Variants in SOD1 observed in about 807,000 individuals in gnomAD.
SOD1 encodes the protein superoxide dismutase [Cu-Zn].
A neutral mutation model predicts 15.9 loss-of-function variants in SOD1; 8 were observed. The observed-to-expected ratio is 0.50, with a 90% confidence interval of 0.30 to 0.91. The LOEUF (loss-of-function observed/expected upper bound fraction) is 0.91. SOD1 is among the 40% of genes least tolerant of loss of function. SOD1 has a pLI of 0.07. For missense variants in SOD1, 137 were observed against 194.5 expected (o/e 0.70, Z 1.76); for synonymous variants, 86 against 71.2 (o/e 1.21, Z -1.04).
In SOD1 at chr21:31,663,785, TAAAGG is replaced by T; in HGVS notation, c.73_77del (p.Glu25Ter). 1.2e-6 allele frequency: 2 copies of T among 1,607,124 alleles called. No individual in the cohort carries two copies. The highest frequency in any genetic ancestry group is 1.7e-6 in the Non-Finnish European group (2 of 1,174,104). The stretch of plus-strand genomic sequence containing the variant: ...ACTCTCTCCAACTTTGCACTTTTCT[TAAAGG>T]AAAGTAATGGACCAGTGAAGGTGTG... On this transcript the variant is annotated splice_acceptor_variant and splice_polypyrimidine_tract_variant and coding_sequence_variant and intron_variant, in exon 2 of 5. Transcript: ENST00000270142. LOFTEE classifies it high-confidence loss of function.
At position 31,659,718 on chromosome 21, in the gene SOD1, G is replaced by C; in HGVS notation, c.-52G>C. On this transcript the variant is annotated 5_prime_UTR_variant, in exon 1 of 5. Coordinates refer to ENST00000270142, the MANE Select transcript of SOD1 (RefSeq NM_000454.5). ...GCGTCGTAGTCTCCTGCAGCGTCTG[G>C]GGTTTCCGTTGCAGTCCTCGGAACC... The C allele has an allele frequency of 1.3e-6, 2 of 1,575,774 alleles. No homozygotes were observed. Among genetic ancestry groups the C allele is most frequent in the Admixed American group, 1.7e-5 (1 of 59,990 alleles).
Position 31,665,320 on chromosome 21 carries a change from T to G in SOD1, c.170-1129T>G, listed in dbSNP as rs181705488. Among the ~76,000 whole-genome samples, 10 of 152,346 alleles carry G rather than the reference T, an allele frequency of 6.6e-5. No homozygotes were observed. The East Asian group carries it at 1.3e-3, about 21-fold the overall frequency. ...GCATTTAGTGATCTTTTGCCATATTTGAGTAATAATCTGATTTTTTTGTTT... is the reference window on the plus strand; with the variant it reads ...GCATTTAGTGATCTTTTGCCATATTGGAGTAATAATCTGATTTTTTTGTTT... On this transcript the variant is annotated intron_variant, in intron 2 of 4. Transcript: ENST00000270142.
intron 3 of SOD1, 44 bp from the exon 4 acceptor site, chr21:31,667,214 T>C: frequency 1.4e-6 from 2 of 1,439,918 alleles, no homozygotes; most frequent in East Asian, 2.3e-5. Flanking sequence ...CCTTGATGTT[T>C]AGTGGCATCA....
At chr21:31,665,542 T>A (rs2049585595) in intron 2 of SOD1, among the ~76,000 whole-genome samples, 1 of 152,152 alleles carries the variant, frequency 6.6e-6, no homozygotes, top group Non-Finnish European at 1.5e-5. Flanking sequence ...TGTGTGGGAC[T>A]CCTGCGGGTG....
intron 1 of SOD1, among the ~76,000 whole-genome samples, chr21:31,662,497 T>G (rs1381518168): frequency 6.6e-6 from 1 of 152,188 alleles, no homozygotes; most frequent in Non-Finnish European, 1.5e-5. Context: ...AGTCCTGAGA[T>G]CTAGTTGTAA....
chr21:31,667,235 A>T, intron 3 of SOD1, 23 bp from the exon 4 acceptor site: 2 of 1,540,978 alleles, frequency 1.3e-6, no homozygotes, highest in Non-Finnish European at 1.8e-6. Context: ...GCCCTAATCC[A>T]TCTGATGCTT....
chr21:31,667,429 ATCTTTTCACTTTGAT>A, intron 4 of SOD1, 54 bp downstream of exon 4: 1 of 1,223,098 alleles, frequency 8.2e-7, no homozygotes, highest in Non-Finnish European at 1.2e-6. Flanking sequence ...ACAGTCATGT[ATCTTTTCACTTTGAT>A]TGTTAGTCGC....
chr21:31,666,214 T>A (rs973330239), intron 2 of SOD1, among the ~76,000 whole-genome samples: 3 of 152,092 alleles, frequency 2.0e-5, no homozygotes, highest in Non-Finnish European at 2.9e-5. Flanking sequence ...CCTCAGATGA[T>A]CCAGCCACCT....
In SOD1 at chr21:31,663,813, G is replaced by A. The variant is rs769715106; in HGVS notation, c.96G>A (p.Val32=). Residue 32 remains valine (V), a synonymous_variant, in exon 2 of 5, where the codon GTG becomes GTA. Transcript: ENST00000270142. ...AGGAAAGTAATGGACCAGTGAAGGTGTGGGGAAGCATTAAAGGACTGACTG... is the reference window on the plus strand; with the variant it reads ...AGGAAAGTAATGGACCAGTGAAGGTATGGGGAAGCATTAAAGGACTGACTG... ...EQKESNGPVK[V]WGSIKGLTEG... 2 of 1,613,136 alleles carry A rather than the reference G, an allele frequency of 1.2e-6. No individual in the cohort carries two copies. Among genetic ancestry groups the A allele is most frequent in the Admixed American group, 3.3e-5 (2 of 59,992 alleles).
intron 4 of SOD1, among the ~76,000 whole-genome samples, chr21:31,667,852 C>T (rs1485262438): frequency 6.6e-6 from 1 of 152,150 alleles, no homozygotes; most frequent in African/African-American, 2.4e-5. Context: ...TGCAAAACAC[C>T]AAGTAGACAG....
rs2049529923 is a variant in SOD1, at chr21:31,659,733, T to C, written c.-37T>C. The C allele has an allele frequency of 6.2e-7, 1 of 1,611,540 alleles. No individual in the cohort carries two copies. Among genetic ancestry groups the C allele is most frequent in the Middle Eastern group, 1.6e-4 (1 of 6,062 alleles). ...GCAGCGTCTGGGGTTTCCGTTGCAGTCCTCGGAACCAGGACCTCGGCGTGG... is the reference window on the plus strand; with the variant it reads ...GCAGCGTCTGGGGTTTCCGTTGCAGCCCTCGGAACCAGGACCTCGGCGTGG... On this transcript the variant is annotated 5_prime_UTR_variant, in exon 1 of 5. Transcript: ENST00000270142.
intron 3 of SOD1, 86 bp from the exon 4 acceptor site, chr21:31,667,172 C>T: frequency 9.6e-7 from 1 of 1,039,762 alleles, no homozygotes; most frequent in Middle Eastern, 2.0e-4. Context: ...TTTGTGTCTA[C>T]TCAGTCAAGT....
Position 31,668,668 on chromosome 21 carries a change from A to C in SOD1, c.*90A>C. On this transcript the variant is annotated 3_prime_UTR_variant, in exon 5 of 5. Transcript: ENST00000270142. ...TATCCTGATAAACATTAAACACTGTAATCTTAAAAGTGTAATTGTGTGACT... is the reference window on the plus strand; with the variant it reads ...TATCCTGATAAACATTAAACACTGTCATCTTAAAAGTGTAATTGTGTGACT... The C allele has an allele frequency of 5.0e-6, 5 of 997,298 alleles. 1 individual carries two copies. In the South Asian group the frequency reaches 5.2e-5, roughly 10 times the overall value. The allele number at this position is 997,298 out of a possible 1,614,324, so 61.8% of individuals were successfully genotyped here.
At chr21:31,659,982 C>G in intron 1 of SOD1, 141 bp downstream of exon 1, 1 of 721,774 alleles carries the variant, frequency 1.4e-6, no homozygotes, top group Non-Finnish European at 2.2e-6. Flanking sequence ...GCCGCCCGGT[C>G]GGTGCCTTCG....
At chr21:31,667,647 T>G (rs761465894) in intron 4 of SOD1, among the ~76,000 whole-genome samples, 2 of 152,238 alleles carry the variant, frequency 1.3e-5, no homozygotes, top group Non-Finnish European at 2.9e-5. Context: ...GTCTTTAGTT[T>G]TAAAATGGCC....
rs1374141029 is a variant in SOD1 at position 31,665,978 on chromosome 21, T to G, written c.170-471T>G. Reference sequence around the variant, plus strand: ...AGTTAGAACTTGGTGGGGTTTTTTTTTTTTTTTTTTTGAGATGGAGTCTTG... The same window carrying G: ...AGTTAGAACTTGGTGGGGTTTTTTTGTTTTTTTTTTTGAGATGGAGTCTTG... On this transcript the variant is annotated intron_variant, in intron 2 of 4. Transcript: ENST00000270142. 2.0e-5 allele frequency among the ~76,000 whole-genome samples: 3 copies of G among 150,496 alleles called. No individual in the cohort carries two copies. The East Asian group carries it at 5.8e-4, about 29-fold the overall frequency.
chr21:31,668,847 ATTTC>A lies in SOD1; in HGVS notation c.*273_*276del, dbSNP rs906761540. On this transcript the variant is annotated 3_prime_UTR_variant, in exon 5 of 5. Coordinates refer to ENST00000270142, the MANE Select transcript of SOD1 (RefSeq NM_000454.5). ...ACAGATGGGTATTAAACTTGTCAGA[ATTTC>A]TTTGTCATTCAAGCCTGTGAATAAA... The A allele has an allele frequency of 1.6e-4, 67 of 416,216 alleles. No individual in the cohort carries two copies. Among genetic ancestry groups the A allele is most frequent in the Non-Finnish European group, 2.0e-4 (45 of 225,680 alleles). 25.8% of individuals were successfully genotyped at this position (416,216 alleles called of 1,614,324 possible). A position where few individuals can be genotyped will look rare whatever the true frequency, so the allele number is the denominator to read the frequency against.
intron 2 of SOD1, among the ~76,000 whole-genome samples, chr21:31,664,844 CTGACCTCG>C (rs2049580215): frequency 6.6e-6 from 1 of 151,958 alleles, no homozygotes; most frequent in African/African-American, 2.4e-5. Flanking sequence ...GGTCTCTCTC[CTGACCTCG>C]TGATCCGCCT....
chr21:31,662,887 C>T (rs2049560276), intron 1 of SOD1, among the ~76,000 whole-genome samples: 1 of 151,860 alleles, frequency 6.6e-6, no homozygotes, highest in Admixed American at 6.6e-5. Context: ...TGGTGGTGGG[C>T]GCCTGTAGTC....
Sources: allele counts gnomAD v4.1 joint callset (sites outside exome capture counted in the v4.1 genomes callset), GRCh38; gene constraint gnomAD v4.1.1; transcripts MANE v1.5; gene names NCBI Gene and HGNC (gene_info 2026-07-23, HGNC 2026-07-21).